NACC2: variants seen among roughly 807,000 people sequenced by gnomAD.
NACC2 encodes the protein nucleus accumbens-associated protein 2.
A neutral mutation model predicts 25.1 loss-of-function variants in NACC2; 8 were observed. That is an observed-to-expected ratio of 0.32 (90% CI 0.19 to 0.57). The LOEUF is 0.57. NACC2 is among the 20% of genes least tolerant of loss of function. The pLI, the probability that NACC2 is intolerant of heterozygous loss-of-function variation, is 0.89. For missense variants in NACC2, 644 were observed against 650.2 expected, an observed-to-expected ratio of 0.99 and a Z score of 0.10; for synonymous variants, 435 against 294.7, an observed-to-expected ratio of 1.48 and a Z score of -4.88.
chr9:136,045,247 G>A (rs1404553376), intron 2 of NACC2, among the ~76,000 whole-genome samples: 1 of 152,206 alleles, frequency 6.6e-6, no homozygotes, highest in Non-Finnish European at 1.5e-5. Context: ...AGAGAGGTGG[G>A]GGTGGAGGGA....
chr9:136,054,531 GAC>G lies in NACC2; in HGVS notation c.-59-3953_-59-3952del, dbSNP rs1840896734. On this transcript the variant is annotated intron_variant, in intron 1 of 5. Transcript: ENST00000277554. ...TCACGCCCCCAGGGCCAGGAAAGCA[GAC>G]ACACGGGGGCTGACCCTCCTGCTAC... Among the ~76,000 whole-genome samples, 6 of 152,316 alleles carry G rather than the reference GAC, an allele frequency of 3.9e-5. No individual in the cohort carries two copies. In the South Asian group the frequency reaches 1.2e-3, roughly 32 times the overall value.
chr9:136,078,530 G>A (rs534916977), intron 1 of NACC2, among the ~76,000 whole-genome samples: 69 of 152,338 alleles, frequency 4.5e-4, no homozygotes, highest in African/African-American at 1.5e-3. Context: ...GCTTGGAGGT[G>A]GGACGTGGCC....
intron 2 of NACC2, among the ~76,000 whole-genome samples, chr9:136,047,626 G>A (rs1478193473): frequency 3.3e-5 from 5 of 152,222 alleles, no homozygotes; most frequent in Admixed American, 1.3e-4. Flanking sequence ...CAGCCCCAAT[G>A]GGACTGTACC....
chr9:136,093,973 G>A (rs556865626), intron 1 of NACC2, among the ~76,000 whole-genome samples: 1 of 152,372 alleles, frequency 6.6e-6, no homozygotes, highest in African/African-American at 2.4e-5. Context: ...CGAAAAGAGG[G>A]GTGGGTGAGA....
rs1262639739 is a variant in NACC2 at position 136,018,494 on chromosome 9, C to T, written c.887-2065G>A. 6.6e-6 allele frequency among the ~76,000 whole-genome samples: 1 copy of T among 152,052 alleles called. No homozygotes were observed. The highest frequency in any genetic ancestry group is 1.5e-5 in the Non-Finnish European group (1 of 67,994). On this transcript the variant is annotated intron_variant, in intron 2 of 5. Coordinates refer to ENST00000277554, the MANE Select transcript of NACC2 (RefSeq NM_144653.5). The surrounding 1 kb of genome is among the most constrained non-coding windows in gnomAD (Gnocchi z 4.4). ...AGAACCATGCGGGGTCTGAAACCAC[C>T]CACCCTGGAGTCACCCTGACACTCC...
intron 1 of NACC2, among the ~76,000 whole-genome samples, chr9:136,088,987 C>T (rs1384019799): frequency 2.6e-5 from 4 of 152,234 alleles, no homozygotes; most frequent in African/African-American, 4.8e-5. Flanking sequence ...GCGGCTGAGG[C>T]GGCTGTTACA....
intron 1 of NACC2, among the ~76,000 whole-genome samples, chr9:136,070,273 C>T (rs558139892): frequency 1.6e-4 from 24 of 150,692 alleles, no homozygotes; most frequent in African/African-American, 4.7e-4. Context: ...TTTGGGAGGC[C>T]GGGGCGGGTG....
rs1344657473 is a variant in NACC2 at position 136,007,255 on chromosome 9, GAAAC to G, written c.*4257_*4260del. 1 of 154,334 alleles carries G rather than the reference GAAAC, an allele frequency of 6.5e-6. No homozygotes were observed. The highest frequency in any genetic ancestry group is 2.4e-5 in the African/African-American group (1 of 41,512). 9.6% of individuals were successfully genotyped at this position (154,334 alleles called of 1,614,324 possible). On this transcript the variant is annotated 3_prime_UTR_variant, in exon 6 of 6. Transcript: ENST00000277554. Reference sequence around the variant, plus strand: ...TTTCCTTTCCTTTTCTTTTTCCAAAGAAACAAAACAAACAAACACGAAAAACCTT... The same window carrying G: ...TTTCCTTTCCTTTTCTTTTTCCAAAGAAAACAAACAAACACGAAAAACCTT...
intron 1 of NACC2, among the ~76,000 whole-genome samples, chr9:136,052,545 G>A (rs949185647): frequency 5.3e-5 from 8 of 152,078 alleles, no homozygotes; most frequent in East Asian, 1.9e-4. Context: ...GTGGGTGGGT[G>A]AGGCGGCACC....
At chr9:136,076,314 C>T (rs1207110428) in intron 1 of NACC2, among the ~76,000 whole-genome samples, 1 of 152,184 alleles carries the variant, frequency 6.6e-6, no homozygotes, top group Non-Finnish European at 1.5e-5. Context: ...ACTCTAAACA[C>T]CCAGTTCCTC....
intron 2 of NACC2, among the ~76,000 whole-genome samples, chr9:136,033,877 C>T (rs1840511147): frequency 6.8e-6 from 1 of 147,290 alleles, no homozygotes; most frequent in Admixed American, 6.9e-5. Flanking sequence ...CAATGCAATC[C>T]CAATCAAATT....
chr9:136,085,929 G>A (rs1461655199), intron 1 of NACC2, among the ~76,000 whole-genome samples: 1 of 151,806 alleles, frequency 6.6e-6, no homozygotes, highest in Admixed American at 6.6e-5. Context: ...GGGAGGGGCT[G>A]GCAGAGCCCG....
At chr9:136,045,578 C>T (rs1414867626) in intron 2 of NACC2, among the ~76,000 whole-genome samples, 2 of 152,184 alleles carry the variant, frequency 1.3e-5, no homozygotes, top group Admixed American at 6.5e-5. Flanking sequence ...GGGGTGTGGG[C>T]GCAGGTCCGG....
chr9:136,028,221 A>G (rs538384499), intron 2 of NACC2, among the ~76,000 whole-genome samples: 1 of 152,156 alleles, frequency 6.6e-6, no homozygotes, highest in South Asian at 2.1e-4. Flanking sequence ...CAAAAAAAAA[A>G]AAAAAAAATT....
intron 1 of NACC2, among the ~76,000 whole-genome samples, chr9:136,075,778 C>T (rs1055160914): frequency 6.6e-6 from 1 of 152,232 alleles, no homozygotes; most frequent in African/African-American, 2.4e-5. Context: ...GGTGAAACCT[C>T]AGAGACAGGG....
intron 1 of NACC2, among the ~76,000 whole-genome samples, chr9:136,074,732 T>G (rs1830240692): frequency 6.6e-6 from 1 of 151,786 alleles, no homozygotes; most frequent in Admixed American, 6.6e-5. Context: ...AGCTGGACCT[T>G]CCGAACGACC....
At chr9:136,069,463 T>C (rs755148968) in intron 1 of NACC2, among the ~76,000 whole-genome samples, 4 of 151,280 alleles carry the variant, frequency 2.6e-5, no homozygotes, top group Non-Finnish European at 5.9e-5. Flanking sequence ...GCAGGAGAAT[T>C]GCTTGAAACC....
rs1019781049 is a variant in NACC2 at position 136,050,596 on chromosome 9, G to A, written c.-59-16C>T. On this transcript the variant is annotated splice_polypyrimidine_tract_variant and intron_variant, in intron 1 of 5. Transcript: ENST00000277554. ...CGGGGCTCATCTGTGGGGGGCAGGA[G>A]GCACGTGGTCAGTTCCTCCAGGTCA... is the stretch of plus-strand genomic sequence containing the variant. 17 of 708,306 alleles carry A rather than the reference G, an allele frequency of 2.4e-5. No individual in the cohort carries two copies. Among genetic ancestry groups the A allele is most frequent in the South Asian group, 1.2e-4 (8 of 67,924 alleles). 43.9% of individuals were successfully genotyped at this position (708,306 alleles called of 1,614,324 possible). A position where few individuals can be genotyped will look rare whatever the true frequency, so the allele number is the denominator to read the frequency against.
chr9:136,093,397 G>C (rs1045990928), intron 1 of NACC2, among the ~76,000 whole-genome samples: 6 of 152,174 alleles, frequency 3.9e-5, no homozygotes, highest in Non-Finnish European at 8.8e-5. Context: ...TCCAGCAGCC[G>C]GTGGTAAAGA....
Sources: allele counts gnomAD v4.1 joint callset (sites outside exome capture counted in the v4.1 genomes callset), GRCh38; gene constraint gnomAD v4.1.1; non-coding constraint Gnocchi (gnomAD v3.1); transcripts MANE v1.5; gene names NCBI Gene and HGNC (gene_info 2026-07-23, HGNC 2026-07-21).